The following TM4SF20 variants were observed in gnomAD, a reference collection of about 807,000 sequenced individuals.
TM4SF20 encodes the protein transmembrane 4 L six family member 20.
Under a neutral mutation model 15.1 loss-of-function variants are expected in TM4SF20, and 13 were observed. The ratio of observed to expected loss-of-function variants is 0.86; its 90% CI spans 0.56 to 1.36. The LOEUF is 1.36. Ranked by LOEUF, TM4SF20 falls within the 40% of genes most tolerant of loss-of-function variation. The probability of loss-of-function intolerance (pLI) is 0.00; values close to 1 mark genes in which losing one functional copy is unlikely to be tolerated. For missense variants in TM4SF20, 282 were observed against 268.4 expected, an observed-to-expected ratio of 1.05 and a Z score of -0.35; for synonymous variants, 92 against 96.6, an observed-to-expected ratio of 0.95 and a Z score of 0.28.
chr2:227,372,472 C>T (rs908822540), intron 1 of TM4SF20, among the ~76,000 whole-genome samples: 2 of 151,894 alleles, frequency 1.3e-5, no homozygotes, highest in African/African-American at 2.4e-5. Flanking sequence ...GAGGAAACCC[C>T]GTCTCTACTA....
chr2:227,367,142 A>G (rs1407592114), intron 2 of TM4SF20, among the ~76,000 whole-genome samples: 3 of 152,136 alleles, frequency 2.0e-5, no homozygotes, highest in Non-Finnish European at 2.9e-5. Flanking sequence ...CTAGATGCCA[A>G]TATCATCCCC....
intron 1 of TM4SF20, among the ~76,000 whole-genome samples, chr2:227,373,363 T>C (rs1374229518): frequency 6.6e-6 from 1 of 152,308 alleles, no homozygotes; most frequent in East Asian, 1.9e-4. Flanking sequence ...TATGGCTGCC[T>C]AGCCACCTTG....
chr2:227,372,434 A>G (rs1381321173), intron 1 of TM4SF20, among the ~76,000 whole-genome samples: 1 of 152,096 alleles, frequency 6.6e-6, no homozygotes, highest in Non-Finnish European at 1.5e-5. Context: ...TCACGAGGTC[A>G]GGAGATCGAG....
intron 1 of TM4SF20, among the ~76,000 whole-genome samples, chr2:227,375,204 G>A (rs1010141525): frequency 6.6e-6 from 1 of 151,988 alleles, no homozygotes; most frequent in Non-Finnish European, 1.5e-5. Flanking sequence ...TGGGATTACA[G>A]GCATAAGCCA....
Position 227,363,419 on chromosome 2 carries a change from A to T in TM4SF20, c.*305T>A. On this transcript the variant is annotated 3_prime_UTR_variant, in exon 4 of 4. Transcript: ENST00000304568. ...GCCTTTTTTGAGACCCTGTCTCAAA[A>T]AAAAAAAAAAAAAGTCCTGTACTTT... 5.0e-6 allele frequency: 1 copy of T among 201,148 alleles called. No homozygotes were observed. The allele number at this position is 201,148 out of a possible 1,614,324, so 12.5% of individuals were successfully genotyped here.
chr2:227,366,402 G>A (rs778898180), intron 2 of TM4SF20, among the ~76,000 whole-genome samples, 158 bp from the exon 3 acceptor site: 3 of 151,992 alleles, frequency 2.0e-5, no homozygotes, highest in Admixed American at 6.6e-5. Flanking sequence ...AAAAGGCAGA[G>A]GGCAGTCTCT....
intron 2 of TM4SF20, among the ~76,000 whole-genome samples, chr2:227,369,343 A>C (rs2076408944): frequency 6.6e-6 from 1 of 152,102 alleles, no homozygotes; most frequent in Non-Finnish European, 1.5e-5. Flanking sequence ...GCTTTTGAAA[A>C]ATACTGATGC....
intron 1 of TM4SF20, among the ~76,000 whole-genome samples, chr2:227,371,244 G>T (rs2076419979): frequency 6.6e-6 from 1 of 152,186 alleles, no homozygotes; most frequent in Non-Finnish European, 1.5e-5. Flanking sequence ...TGAGTCATCT[G>T]CAGAGAATTG....
At chr2:227,381,521 ATATAT>A (rs2076479844), upstream of TM4SF20, 3 of 152,118 alleles carry the variant, frequency 2.0e-5, 1 homozygote, top group African/African-American at 7.2e-5. Context: ...TTCTATAACT[ATATAT>A]TATAATACAT....
chr2:227,368,643 G>A (rs2076405591), intron 2 of TM4SF20, among the ~76,000 whole-genome samples: 1 of 152,170 alleles, frequency 6.6e-6, no homozygotes, highest in Non-Finnish European at 1.5e-5. Context: ...TGGGATTGCA[G>A]GCGTGAGCCA....
intron 1 of TM4SF20, among the ~76,000 whole-genome samples, chr2:227,372,379 C>T (rs1302959597): frequency 6.6e-6 from 1 of 152,126 alleles, no homozygotes; most frequent in Non-Finnish European, 1.5e-5. Flanking sequence ...GGCGCGGTGG[C>T]TCATGTCTGT....
Position 227,379,200 on chromosome 2 carries a change from T to A in TM4SF20, c.69A>T (p.Val23=). ...CAATTAGAGGTATCGCATTGAGAAC[T>A]ACTCCTAACAGCAGTAGAACCAGCA... The part of the protein sequence containing the change: ...FSLLVLLLLG[V]VLNAIPLIVS... Residue 23 remains valine, a synonymous_variant, in exon 1 of 4, where the codon GTA becomes GTT. Transcript: ENST00000304568. 1 of 1,614,236 alleles carries A rather than the reference T, an allele frequency of 6.2e-7. No homozygotes were observed. Among genetic ancestry groups the A allele is most frequent in the Non-Finnish European group, 8.5e-7 (1 of 1,180,040 alleles).
chr2:227,379,768 T>A (rs1189762644), upstream of TM4SF20, among the ~76,000 whole-genome samples: 5 of 152,226 alleles, frequency 3.3e-5, no homozygotes, highest in Non-Finnish European at 7.3e-5. Flanking sequence ...AAGAAAATGT[T>A]TATGTCATAT....
rs2076390488 is a variant in TM4SF20, at chr2:227,365,957, A to G, written c.401+136T>C. On this transcript the variant is annotated intron_variant, in intron 3 of 3. Coordinates refer to ENST00000304568, the MANE Select transcript of TM4SF20 (RefSeq NM_024795.4). Reference sequence around the variant, plus strand: ...GAGTTGTGCTAACTGGCGTTAATGTACTAAAATTCCTAAGAATCCGTTTGT... The same window carrying G: ...GAGTTGTGCTAACTGGCGTTAATGTGCTAAAATTCCTAAGAATCCGTTTGT... 8 of 815,222 alleles carry G rather than the reference A, an allele frequency of 9.8e-6. 1 individual carries two copies. The highest frequency in any genetic ancestry group is 1.5e-5 in the Non-Finnish European group (8 of 539,232). 50.5% of individuals were successfully genotyped at this position (815,222 alleles called of 1,614,324 possible). A position where few individuals can be genotyped will look rare whatever the true frequency, so the allele number is the denominator to read the frequency against.
chr2:227,380,316 G>A (rs960404672), upstream of TM4SF20, among the ~76,000 whole-genome samples: 3 of 152,082 alleles, frequency 2.0e-5, no homozygotes, highest in African/African-American at 7.3e-5. Context: ...GGCGACAGAG[G>A]GAGACTCCAT....
chr2:227,377,067 A>C (rs2076454730), intron 1 of TM4SF20, among the ~76,000 whole-genome samples: 1 of 152,230 alleles, frequency 6.6e-6, no homozygotes, highest in African/African-American at 2.4e-5. Flanking sequence ...AAAATGAAGA[A>C]TACAGGAGAT....
chr2:227,374,817 A>G lies in TM4SF20; in HGVS notation c.184-3837T>C, dbSNP rs189631490. Among the ~76,000 whole-genome samples, 1,369 of 151,920 alleles carry G rather than the reference A, an allele frequency of 9.0e-3. 15 individuals are homozygous for G. The highest frequency in any genetic ancestry group is 0.043 in the South Asian group (206 of 4,804). On this transcript the variant is annotated intron_variant, in intron 1 of 3. Transcript: ENST00000304568. Reference sequence around the variant, plus strand: ...TCAAAACTATATTTTGCAGCCAGGCATGGTGGCTCATGCCTGTAATTCTGG... The same window carrying G: ...TCAAAACTATATTTTGCAGCCAGGCGTGGTGGCTCATGCCTGTAATTCTGG...
intron 1 of TM4SF20, among the ~76,000 whole-genome samples, chr2:227,375,031 A>T (rs2076440499): frequency 6.6e-6 from 1 of 151,618 alleles, no homozygotes; most frequent in Non-Finnish European, 1.5e-5. Context: ...GGTACAAGTG[A>T]TTCTCCTGCC....
intron 2 of TM4SF20, among the ~76,000 whole-genome samples, chr2:227,370,368 C>T (rs7579090): frequency 0.02 from 2,983 of 150,196 alleles, 104 homozygotes; most frequent in African/African-American, 0.067. Flanking sequence ...GGACAATCCA[C>T]GGAAGACTGA....
Sources: allele counts gnomAD v4.1 joint callset (sites outside exome capture counted in the v4.1 genomes callset), GRCh38; gene constraint gnomAD v4.1.1; transcripts MANE v1.5; gene names NCBI Gene and HGNC (gene_info 2026-07-23, HGNC 2026-07-21).